The following PAPPA2 variants were observed in gnomAD, a reference collection of about 807,000 sequenced individuals.
PAPPA2 encodes the protein pappalysin 2.
Under a neutral mutation model 176.4 loss-of-function variants are expected in PAPPA2, and 86 were observed. That is an observed-to-expected ratio of 0.49 (90% CI 0.41 to 0.58). PAPPA2 has a LOEUF of 0.58. PAPPA2 is among the 20% of genes least tolerant of loss of function. PAPPA2 has a pLI of 0.00. For synonymous variants in PAPPA2, 809 were observed against 852.2 expected (o/e 0.95, Z 0.88); for missense variants, 2,073 against 2,256.9 (o/e 0.92, Z 1.65).
chr1:176,650,170 G>C (rs1404283513), intron 3 of PAPPA2, among the ~76,000 whole-genome samples: 3 of 151,292 alleles, frequency 2.0e-5, no homozygotes, highest in Non-Finnish European at 4.4e-5. Context: ...TCTTTTTACA[G>C]TCTTTGATTT....
intron 21 of PAPPA2, among the ~76,000 whole-genome samples, chr1:176,825,937 C>T (rs1666846509): frequency 1.3e-5 from 2 of 152,112 alleles, no homozygotes; most frequent in South Asian, 4.1e-4. Context: ...ACAAAAAAGA[C>T]AACTGGGGAT....
In PAPPA2 at chr1:176,685,478, G is replaced by A. The variant is rs576559389; in HGVS notation, c.2138-4659G>A. Among the ~76,000 whole-genome samples the A allele has an allele frequency of 5.9e-5, 9 of 152,356 alleles. No homozygotes were observed. In the South Asian group the frequency reaches 1.9e-3, roughly 32 times the overall value. On this transcript the variant is annotated intron_variant, in intron 4 of 22. Coordinates refer to ENST00000367662, the MANE Select transcript of PAPPA2 (RefSeq NM_020318.3). ...AGGTACCCATGTGTAACCATGCGGA[G>A]TCTGACCTATGTAACTGGAAGAAAG...
At chr1:176,805,883 G>A (rs1467233652) in intron 21 of PAPPA2, among the ~76,000 whole-genome samples, 1 of 151,540 alleles carries the variant, frequency 6.6e-6, no homozygotes, top group African/African-American at 2.4e-5. Flanking sequence ...CAGATACTCA[G>A]GAGGCTGAGG....
intron 1 of PAPPA2, among the ~76,000 whole-genome samples, chr1:176,514,027 A>G (rs771835442): frequency 1.3e-5 from 2 of 152,182 alleles, no homozygotes; most frequent in Non-Finnish European, 2.9e-5. Flanking sequence ...ATGGATGACT[A>G]TTTCAGAGAG....
intron 14 of PAPPA2, among the ~76,000 whole-genome samples, chr1:176,744,612 T>A (rs928722691): frequency 2.0e-5 from 3 of 152,134 alleles, no homozygotes; most frequent in Admixed American, 6.5e-5. Flanking sequence ...GTAGTACTGA[T>A]GGGAATAATG....
intron 21 of PAPPA2, among the ~76,000 whole-genome samples, chr1:176,804,665 T>C (rs1422873873): frequency 6.6e-6 from 1 of 152,184 alleles, no homozygotes; most frequent in African/African-American, 2.4e-5. Flanking sequence ...AGGGAAAGTA[T>C]TAGTTTCCTG....
chr1:176,651,442 G>A (rs1321743040), intron 3 of PAPPA2, among the ~76,000 whole-genome samples: 4 of 151,520 alleles, frequency 2.6e-5, no homozygotes, highest in Non-Finnish European at 4.4e-5. Context: ...CTTTGAAAAC[G>A]ATGTCCCACT....
intron 1 of PAPPA2, among the ~76,000 whole-genome samples, chr1:176,481,252 G>GCACACACACACACACACGCACA (rs1652380895): frequency 7.1e-6 from 1 of 140,212 alleles, no homozygotes; most frequent in Non-Finnish European, 1.5e-5. Context: ...AGATTTTAAA[G>GCACACACACACACACACGCACA]CACACACACA....
intron 1 of PAPPA2, among the ~76,000 whole-genome samples, chr1:176,530,392 G>A (rs1422136195): frequency 1.3e-5 from 2 of 151,402 alleles, no homozygotes; most frequent in Non-Finnish European, 2.9e-5. Flanking sequence ...GAACAGTGAG[G>A]AACACAAGCA....
At chr1:176,762,945 A>G (rs1051914126) in intron 14 of PAPPA2, among the ~76,000 whole-genome samples, 4 of 152,192 alleles carry the variant, frequency 2.6e-5, no homozygotes, top group African/African-American at 7.2e-5. Flanking sequence ...CAACTTATAC[A>G]TAATAAACAT....
chr1:176,829,447 T>C (rs1182024290), intron 21 of PAPPA2, among the ~76,000 whole-genome samples: 1 of 152,218 alleles, frequency 6.6e-6, no homozygotes, highest in Non-Finnish European at 1.5e-5. Flanking sequence ...GGCATGTGCC[T>C]GCATGCGGTG....
At chr1:176,684,292 T>C (rs1659729314) in intron 4 of PAPPA2, among the ~76,000 whole-genome samples, 1 of 152,170 alleles carries the variant, frequency 6.6e-6, no homozygotes, top group Admixed American at 6.5e-5. Flanking sequence ...CCTTTTACAC[T>C]AGTACTTTAA....
intron 2 of PAPPA2, among the ~76,000 whole-genome samples, chr1:176,568,929 T>C (rs958549513): frequency 6.6e-6 from 1 of 152,128 alleles, no homozygotes; most frequent in Non-Finnish European, 1.5e-5. Context: ...CCTACAACCA[T>C]CAGAAGACTC....
intron 3 of PAPPA2, among the ~76,000 whole-genome samples, chr1:176,595,832 T>A (rs976706324): frequency 6.6e-6 from 1 of 152,168 alleles, no homozygotes; most frequent in Non-Finnish European, 1.5e-5. Flanking sequence ...GGCAGAAAGC[T>A]GTGTACACAG....
At chr1:176,762,866 A>C (rs1328830529) in intron 14 of PAPPA2, among the ~76,000 whole-genome samples, 1 of 152,186 alleles carries the variant, frequency 6.6e-6, no homozygotes, top group Non-Finnish European at 1.5e-5. Flanking sequence ...ATACTTCATC[A>C]TCTCAGGAAA....
chr1:176,794,163 A>C (rs1406881215), intron 20 of PAPPA2, among the ~76,000 whole-genome samples: 1 of 152,216 alleles, frequency 6.6e-6, no homozygotes, highest in East Asian at 1.9e-4. Context: ...ATACATTTTT[A>C]TTAAAGGAAG....
At chr1:176,574,650 A>C (rs1026583368) in intron 2 of PAPPA2, among the ~76,000 whole-genome samples, 2 of 152,218 alleles carry the variant, frequency 1.3e-5, no homozygotes, top group Non-Finnish European at 2.9e-5. Context: ...ACTCTCTGGA[A>C]GGCACATGAT....
At chr1:176,729,300 C>A (rs557329019) in intron 12 of PAPPA2, among the ~76,000 whole-genome samples, 11 of 152,130 alleles carry the variant, frequency 7.2e-5, no homozygotes, top group Non-Finnish European at 1.2e-4. Context: ...CTAGACATTA[C>A]GTGATTCTAA....
intron 1 of PAPPA2, among the ~76,000 whole-genome samples, chr1:176,500,668 T>A (rs1396655879): frequency 6.6e-6 from 1 of 151,928 alleles, no homozygotes; most frequent in Non-Finnish European, 1.5e-5. Context: ...ATTCAGAAAA[T>A]TTCTAGCTAA....
Sources: allele counts gnomAD v4.1 joint callset (sites outside exome capture counted in the v4.1 genomes callset), GRCh38; gene constraint gnomAD v4.1.1; transcripts MANE v1.5; gene names NCBI Gene and HGNC (gene_info 2026-07-23, HGNC 2026-07-21).